CATSPERE: variants seen among roughly 807,000 people sequenced by gnomAD.
The protein encoded by CATSPERE is cation channel sperm-associated auxiliary subunit epsilon.
Under a neutral mutation model 114.1 loss-of-function variants are expected in CATSPERE, and 93 were observed. The observed-to-expected ratio is 0.81, with a 90% CI of 0.69 to 0.97. The LOEUF (loss-of-function observed/expected upper bound fraction) is 0.97. CATSPERE is among the 50% of genes least tolerant of loss of function. The probability of loss-of-function intolerance (pLI) is 0.00; values close to 1 mark genes in which losing one functional copy is unlikely to be tolerated. For missense variants in CATSPERE, 1,058 were observed against 1,131.6 expected (o/e 0.93, Z 0.93); for synonymous variants, 341 against 384.1 (o/e 0.89, Z 1.31).
In CATSPERE at chr1:244,640,016, A is replaced by C; in HGVS notation, c.2791A>C (p.Arg931=). ...ILVLSYFRYM[R]IYRRYIYEPL... The stretch of plus-strand genomic sequence containing the variant: ...TGTTTTGAGCTACTTTCGGTACATG[A>C]GGATTTATAGACGATATATTTATGA... The change falls in exon 22 of 22, where the codon AGG becomes CGG. Residue 931 remains arginine (R), a synonymous_variant. Transcript: ENST00000366534. 6.4e-7 allele frequency: 1 copy of C among 1,550,640 alleles called. No homozygotes were observed. Among genetic ancestry groups the C allele is most frequent in the Non-Finnish European group, 8.7e-7 (1 of 1,146,524 alleles).
upstream of CATSPERE, among the ~76,000 whole-genome samples, chr1:244,452,755 T>A (rs1173021276): frequency 6.6e-6 from 1 of 152,230 alleles, no homozygotes; most frequent in Non-Finnish European, 1.5e-5. Flanking sequence ...TAGTGAGGCT[T>A]GAATTGGTAC....
At chr1:244,615,608 T>C (rs1227375096) in intron 19 of CATSPERE, among the ~76,000 whole-genome samples, 1 of 151,988 alleles carries the variant, frequency 6.6e-6, no homozygotes, top group African/African-American at 2.4e-5. Context: ...GCAATAGGAA[T>C]TTTTCAGCTC....
In CATSPERE at chr1:244,524,182, T is replaced by C. The variant is rs1156461031; in HGVS notation, c.536+5484T>C. 6.8e-3 allele frequency among the ~76,000 whole-genome samples: 910 copies of C among 133,364 alleles called. 44 individuals are homozygous for C. Among genetic ancestry groups the C allele is most frequent in the African/African-American group, 0.02 (583 of 29,242 alleles). 87.5% of individuals were successfully genotyped at this position (133,364 alleles called of 152,430 possible). On this transcript the variant is annotated intron_variant, in intron 8 of 21. Coordinates refer to ENST00000366534, the MANE Select transcript of CATSPERE (RefSeq NM_001130957.2). Reference sequence around the variant, plus strand: ...AGAACAGAGCCCTCAGAAATAACGCTTCATATCTACAACCATCTGATCTTT... The same window carrying C: ...AGAACAGAGCCCTCAGAAATAACGCCTCATATCTACAACCATCTGATCTTT...
chr1:244,580,769 G>A (rs1572859753), intron 11 of CATSPERE, among the ~76,000 whole-genome samples: 1 of 152,064 alleles, frequency 6.6e-6, no homozygotes, highest in Non-Finnish European at 1.5e-5. Context: ...GGGAGGCCGA[G>A]GCAGGTGGAT....
rs534812418 is a variant in CATSPERE, at chr1:244,602,831, C to T, written c.2304-2864C>T. ...AGTCAGGTACGGTAAGATATACAGA[C>T]GCGGAAATGGCCATCAGGAAGGAAG... is the stretch of plus-strand genomic sequence containing the variant. On this transcript the variant is annotated intron_variant, in intron 17 of 21. Transcript: ENST00000366534. Among the ~76,000 whole-genome samples the T allele has an allele frequency of 4.1e-4, 63 of 152,028 alleles. 1 individual carries two copies. The highest frequency in any genetic ancestry group is 2.9e-3 in the Admixed American group (44 of 15,272).
chr1:244,452,079 G>C (rs1665653090), upstream of CATSPERE: 5 of 317,190 alleles, frequency 1.6e-5, no homozygotes, highest in Non-Finnish European at 2.9e-5. Context: ...GGCGGCAACG[G>C]CCGCCACCCC....
At position 244,479,614 on chromosome 1, in the gene CATSPERE, C is replaced by T. The variant is rs924992653; in HGVS notation, c.259-103C>T. 7.7e-5 allele frequency: 42 copies of T among 546,260 alleles called. No homozygotes were observed. The East Asian group carries it at 1.1e-3, about 14-fold the overall frequency. The allele number at this position is 546,260 out of a possible 1,614,324, so 33.8% of individuals were successfully genotyped here. A position where few individuals can be genotyped will look rare whatever the true frequency, so the allele number is the denominator to read the frequency against. On this transcript the variant is annotated intron_variant, in intron 4 of 21. Coordinates refer to ENST00000366534, the MANE Select transcript of CATSPERE (RefSeq NM_001130957.2). ...TGAACTTTATTCTGCTTCCTCTGAT[C>T]GTGGATAAGTAACTTACTTCCTCTG...
intron 2 of CATSPERE, among the ~76,000 whole-genome samples, chr1:244,476,563 C>T (rs1277536847): frequency 6.6e-6 from 1 of 152,092 alleles, no homozygotes; most frequent in Admixed American, 6.5e-5. Context: ...AATATCAAAT[C>T]TATGAAACGG....
chr1:244,470,634 A>G lies in CATSPERE; in HGVS notation c.114+6678A>G, dbSNP rs372939971. 5.9e-5 allele frequency among the ~76,000 whole-genome samples: 9 copies of G among 152,222 alleles called. No homozygotes were observed. The East Asian group carries it at 1.7e-3, about 29-fold the overall frequency. On this transcript the variant is annotated intron_variant, in intron 2 of 21. Coordinates refer to ENST00000366534, the MANE Select transcript of CATSPERE (RefSeq NM_001130957.2). ...CAAACAGTTAAACATAGTGTTACCAATATGTTCTGAAGATTGCACTTCCAG... is the reference window on the plus strand; with the variant it reads ...CAAACAGTTAAACATAGTGTTACCAGTATGTTCTGAAGATTGCACTTCCAG...
intron 2 of CATSPERE, among the ~76,000 whole-genome samples, chr1:244,471,213 C>T (rs1572248736): frequency 6.6e-6 from 1 of 152,256 alleles, no homozygotes. Context: ...CTAATTAGCA[C>T]ACCTAAAAAT....
intron 8 of CATSPERE, among the ~76,000 whole-genome samples, chr1:244,536,382 G>C (rs1040408432): frequency 3.3e-5 from 5 of 152,072 alleles, no homozygotes; most frequent in African/African-American, 1.2e-4. Context: ...GTTTATTTCG[G>C]ACTCCAGAGA....
Position 244,584,061 on chromosome 1 carries a change from A to T in CATSPERE, c.2085+122A>T, listed in dbSNP as rs183585859. 2.5e-5 allele frequency: 16 copies of T among 644,638 alleles called. No individual in the cohort carries two copies. In the East Asian group the frequency reaches 3.5e-4, roughly 14 times the overall value. The allele number at this position is 644,638 out of a possible 1,614,324, so 39.9% of individuals were successfully genotyped here. ...TGCAATACCTCCATACAATACCTCC[A>T]TAGAGTACCATCCTCCTATTACTTA... is the stretch of plus-strand genomic sequence containing the variant. On this transcript the variant is annotated intron_variant, in intron 13 of 21. Transcript: ENST00000366534.
At chr1:244,489,261 G>T (rs971222317) in intron 5 of CATSPERE, among the ~76,000 whole-genome samples, 1 of 152,114 alleles carries the variant, frequency 6.6e-6, no homozygotes, top group African/African-American at 2.4e-5. Flanking sequence ...ACCAGGCCCG[G>T]CCTGTTATTC....
At chr1:244,623,088 T>C (rs1672615139) in intron 20 of CATSPERE, among the ~76,000 whole-genome samples, 1 of 151,808 alleles carries the variant, frequency 6.6e-6, no homozygotes, top group African/African-American at 2.4e-5. Flanking sequence ...ATTTATTTAT[T>C]TTGAGACTGA....
At chr1:244,503,738 CTTGGCTAATTT>C (rs1250757969) in intron 7 of CATSPERE, among the ~76,000 whole-genome samples, 2 of 152,120 alleles carry the variant, frequency 1.3e-5, no homozygotes, top group Non-Finnish European at 2.9e-5. Context: ...CACCACCACA[CTTGGCTAATTT>C]TTGTGGAGAC....
At position 244,552,728 on chromosome 1, in the gene CATSPERE, A is replaced by T; in HGVS notation, c.943A>T (p.Arg315Ter). 6.2e-7 allele frequency: 1 copy of T among 1,614,044 alleles called. No individual in the cohort carries two copies. Among genetic ancestry groups the T allele is most frequent in the Non-Finnish European group, 8.5e-7 (1 of 1,180,002 alleles). ...LYIKSFRGFIRLGGIVNLPDG... is the reference protein window; with the variant it reads ...LYIKSFRGFI ...CATAAAGAGTTTTCGTGGATTTATA[A>T]GACTGGGAGGAATTGTAAATCTTCC... Residue 315 changes from arginine (R) to a stop codon, truncating the protein, a stop_gained, in exon 9 of 22, where the codon AGA becomes TGA. Coordinates refer to ENST00000366534, the MANE Select transcript of CATSPERE (RefSeq NM_001130957.2). LOFTEE classifies it high-confidence loss of function.
chr1:244,482,783 C>T (rs1387068095), intron 5 of CATSPERE, among the ~76,000 whole-genome samples: 2 of 152,116 alleles, frequency 1.3e-5, no homozygotes, highest in East Asian at 1.9e-4. Flanking sequence ...GAGTTAGACA[C>T]TATCCTGGAT....
At chr1:244,494,890 C>T (rs369383604) in intron 6 of CATSPERE, among the ~76,000 whole-genome samples, 7 of 152,132 alleles carry the variant, frequency 4.6e-5, no homozygotes, top group Admixed American at 6.6e-5. Context: ...ATTGATATTA[C>T]GGAATTATTT....
chr1:244,490,470 A>G lies in CATSPERE; in HGVS notation c.350A>G (p.Gln117Arg). ...AGACATTTCTTTAACAACTTTACCC[A>G]GGTAAAATATTTTTTAAATTTTGTA... ...RVRHFFNNFT[Q>R]LITVWAYDPE... Residue 117 changes from glutamine to arginine, a missense_variant and splice_region_variant, in exon 6 of 22, where the codon CAG (glutamine) becomes CGG (arginine). By Grantham distance (43) the Gln-to-Arg change is conservative. Transcript: ENST00000366534. 6.6e-7 allele frequency: 1 copy of G among 1,523,806 alleles called. No homozygotes were observed. Among genetic ancestry groups the G allele is most frequent in the South Asian group, 1.1e-5 (1 of 87,222 alleles). 94.4% of individuals were successfully genotyped at this position (1,523,806 alleles called of 1,614,324 possible).
Sources: allele counts gnomAD v4.1 joint callset (sites outside exome capture counted in the v4.1 genomes callset), GRCh38; gene constraint gnomAD v4.1.1; transcripts MANE v1.5; gene names NCBI Gene and HGNC (gene_info 2026-07-23, HGNC 2026-07-21).